The following EFCAB13 variants were observed in gnomAD, a reference collection of about 807,000 sequenced individuals.
EFCAB13 encodes EF-hand calcium-binding domain-containing protein 13.
In EFCAB13, 91 loss-of-function variants were observed where a neutral mutation model predicts 110.2. The ratio of observed to expected loss-of-function variants is 0.83; its 90% CI spans 0.70 to 0.98. The LOEUF is 0.98. Among genes scored for constraint, EFCAB13 ranks in the 50% least tolerant of loss-of-function variants. The pLI, the probability that EFCAB13 is intolerant of heterozygous loss-of-function variation, is 0.00. For synonymous variants in EFCAB13, 323 were observed against 369.9 expected, an observed-to-expected ratio of 0.87 and a Z score of 1.45; for missense variants, 968 against 1,119.4, an observed-to-expected ratio of 0.86 and a Z score of 1.93.
chr17:47,396,235 T>C (rs1166081547), intron 17 of EFCAB13, among the ~76,000 whole-genome samples: 4 of 149,602 alleles, frequency 2.7e-5, no homozygotes, highest in Non-Finnish European at 6.0e-5. Context: ...GTGTGGTATG[T>C]TACTGGAAAA....
At chr17:47,337,758 G>C (rs892375699) in intron 5 of EFCAB13, among the ~76,000 whole-genome samples, 2 of 152,144 alleles carry the variant, frequency 1.3e-5, no homozygotes. Context: ...TCAGGAGATG[G>C]GTTGATTACA....
chr17:47,354,005 AG>A (rs1200107826), intron 9 of EFCAB13, among the ~76,000 whole-genome samples: 3 of 152,084 alleles, frequency 2.0e-5, no homozygotes, highest in Non-Finnish European at 4.4e-5. Flanking sequence ...TTTTTGATGT[AG>A]TCATTTTATG....
chr17:47,389,642 A>G (rs1334842990), intron 14 of EFCAB13, among the ~76,000 whole-genome samples: 1 of 151,368 alleles, frequency 6.6e-6, no homozygotes, highest in East Asian at 1.9e-4. Context: ...AATCTCAAGA[A>G]TAATAGTTGG....
At chr17:47,325,942 A>ATATATGC (rs945939363) in intron 2 of EFCAB13, among the ~76,000 whole-genome samples, 1 of 62,000 alleles carries the variant, frequency 1.6e-5, no homozygotes, top group Non-Finnish European at 3.6e-5. Flanking sequence ...ATATATATAT[A>ATATATGC]TATATATATA....
In EFCAB13 at chr17:47,359,149, A is replaced by T. The variant is rs149728913; in HGVS notation, c.662-2229A>T. On this transcript the variant is annotated intron_variant, in intron 9 of 24. Transcript: ENST00000331493. ...GGAGTTCGAGACCAGCCTGGGCAAC[A>T]TGGCAAAAATCCATCTCTACAAAAA... is the stretch of plus-strand genomic sequence containing the variant. 4.3e-3 allele frequency among the ~76,000 whole-genome samples: 651 copies of T among 152,246 alleles called. 19 individuals are homozygous for T. In the East Asian group the frequency reaches 0.066, roughly 15 times the overall value.
At chr17:47,399,081 C>T (rs1407332914) in intron 17 of EFCAB13, among the ~76,000 whole-genome samples, 2 of 152,016 alleles carry the variant, frequency 1.3e-5, no homozygotes, top group African/African-American at 4.8e-5. Flanking sequence ...CAGCACTGTG[C>T]CTGGCTAATT....
intron 4 of EFCAB13, among the ~76,000 whole-genome samples, chr17:47,329,437 T>C (rs916987428): frequency 3.9e-5 from 6 of 152,330 alleles, no homozygotes; most frequent in African/African-American, 1.4e-4. Flanking sequence ...ACCTATACTA[T>C]AGTCTGAAAA....
chr17:47,419,721 G>A (rs950671716), intron 23 of EFCAB13, among the ~76,000 whole-genome samples: 2 of 152,186 alleles, frequency 1.3e-5, no homozygotes, highest in South Asian at 2.1e-4. Context: ...CAGTGCTGGT[G>A]AAATGCACTG....
chr17:47,374,320 G>T, intron 11 of EFCAB13, 152 bp from the exon 12 acceptor site: 1 of 548,768 alleles, frequency 1.8e-6, no homozygotes, highest in Non-Finnish European at 2.9e-6. Flanking sequence ...CCAATCTTTT[G>T]ACTGTCAGTT....
rs189159567 is a variant in EFCAB13 at position 47,430,223 on chromosome 17, C to T, written c.2638+262C>T. 6.6e-6 allele frequency: 7 copies of T among 1,068,032 alleles called. No homozygotes were observed. The Admixed American group carries it at 3.7e-4, about 56-fold the overall frequency. The allele number at this position is 1,068,032 out of a possible 1,614,324, so 66.2% of individuals were successfully genotyped here. A position where few individuals can be genotyped will look rare whatever the true frequency, so the allele number is the denominator to read the frequency against. On this transcript the variant is annotated intron_variant, in intron 24 of 24. Transcript: ENST00000331493. ...TGAGATTATTTTGTGAACTGACTGA[C>T]ATGCACAGTGGTCAATCAGAATGCC...
chr17:47,356,664 T>C (rs1223401403), intron 9 of EFCAB13, among the ~76,000 whole-genome samples: 4 of 152,158 alleles, frequency 2.6e-5, no homozygotes, highest in Non-Finnish European at 2.9e-5. Context: ...TCCTTGGTTG[T>C]ATTTTTGTTT....
chr17:47,395,940 T>A lies in EFCAB13; in HGVS notation c.1908T>A (p.Asp636Glu). The A allele has an allele frequency of 6.2e-7, 1 of 1,609,240 alleles. No homozygotes were observed. The highest frequency in any genetic ancestry group is 8.5e-7 in the Non-Finnish European group (1 of 1,176,806). ...GTTTGAATAGTAATTTAAAAAAGGA[T>A]GAATTTCTAGCTGCATTGGAACTAG... is the stretch of plus-strand genomic sequence containing the variant. ...LSSLNSNLKK[D>E]EFLAALELVT... The change falls in exon 17 of 25, where the codon GAT (aspartate) becomes GAA (glutamate). Residue 636 changes from aspartate to glutamate, a missense_variant. By Grantham distance (45) the Asp-to-Glu change is conservative. Transcript: ENST00000331493.
At chr17:47,365,356 G>A (rs55879010) in intron 10 of EFCAB13, among the ~76,000 whole-genome samples, 13,374 of 152,150 alleles carry the variant, frequency 0.088, 850 homozygotes, top group East Asian at 0.35. Context: ...GTAGTTTGAG[G>A]CAAAATTCCT....
intron 21 of EFCAB13, 76 bp downstream of exon 21, chr17:47,409,767 G>A (rs2065824353): frequency 1.7e-6 from 2 of 1,169,282 alleles, no homozygotes; most frequent in African/African-American, 1.5e-5. Flanking sequence ...AAGTACCAAT[G>A]TATTTCTCAT....
intron 17 of EFCAB13, among the ~76,000 whole-genome samples, chr17:47,397,669 G>C (rs563819637): frequency 2.0e-5 from 3 of 148,738 alleles, no homozygotes; most frequent in Non-Finnish European, 4.5e-5. Flanking sequence ...CCGCCGCCCC[G>C]CCTGGGATGT....
intron 20 of EFCAB13, among the ~76,000 whole-genome samples, chr17:47,408,266 C>G (rs537965289): frequency 1.3e-5 from 2 of 152,256 alleles, no homozygotes; most frequent in East Asian, 3.9e-4. Flanking sequence ...TTACCTGATC[C>G]ATCTATATAG....
chr17:47,432,903 A>G (rs545100109), intron 24 of EFCAB13, among the ~76,000 whole-genome samples: 1 of 152,328 alleles, frequency 6.6e-6, no homozygotes, highest in East Asian at 1.9e-4. Flanking sequence ...TACCCTACCC[A>G]GCTTCCCCTA....
At chr17:47,435,345 C>G (rs1905192400) in intron 24 of EFCAB13, among the ~76,000 whole-genome samples, 1 of 152,090 alleles carries the variant, frequency 6.6e-6, no homozygotes, top group Non-Finnish European at 1.5e-5. Context: ...CCACCTTACT[C>G]CTACAAGAAT....
At chr17:47,397,961 G>A (rs1205408062) in intron 17 of EFCAB13, among the ~76,000 whole-genome samples, 1 of 149,358 alleles carries the variant, frequency 6.7e-6, no homozygotes, top group Admixed American at 6.6e-5. Flanking sequence ...GTCCGGGAGG[G>A]AGGTGGGGGG....
Sources: gnomAD v4.1 joint callset for allele counts (sites outside exome capture counted in the v4.1 genomes callset) on GRCh38, gnomAD v4.1.1 for gene constraint, MANE v1.5 for transcripts, NCBI Gene and HGNC (gene_info 2026-07-23, HGNC 2026-07-21) for gene names.